Variants in TANC1 observed in about 807,000 individuals in gnomAD.
The protein encoded by TANC1 is protein TANC1.
A neutral mutation model predicts 149.7 loss-of-function variants in TANC1; 77 were observed. The observed-to-expected ratio is 0.51, with a 90% confidence interval of 0.43 to 0.62. The LOEUF is 0.62. Ranked by LOEUF, TANC1 falls within the 20% of genes least tolerant of loss-of-function variation. The probability of loss-of-function intolerance (pLI) is 0.00; values close to 1 mark genes in which losing one functional copy is unlikely to be tolerated. For missense variants in TANC1, 1,985 were observed against 2,321.8 expected, an observed-to-expected ratio of 0.85 and a Z score of 2.98; for synonymous variants, 854 against 925.0, an observed-to-expected ratio of 0.92 and a Z score of 1.39.
chr2:158,988,555 G>T (rs1169744629), intron 1 of TANC1, among the ~76,000 whole-genome samples: 1 of 152,148 alleles, frequency 6.6e-6, no homozygotes, highest in East Asian at 1.9e-4. Context: ...ACTACTTCCT[G>T]TTGCAATGAC....
At chr2:159,161,160 T>C (rs1296092297) in intron 7 of TANC1, among the ~76,000 whole-genome samples, 1 of 152,184 alleles carries the variant, frequency 6.6e-6, no homozygotes, top group African/African-American at 2.4e-5. Flanking sequence ...GTGAGCTAAG[T>C]CCTTATTTCC....
chr2:159,063,915 G>C (rs2042451838), intron 2 of TANC1, among the ~76,000 whole-genome samples: 1 of 152,174 alleles, frequency 6.6e-6, no homozygotes, highest in Admixed American at 6.5e-5. Context: ...ATCGGGAGCA[G>C]CTCATGGATG....
chr2:159,180,194 TTTG>T (rs972261985), intron 14 of TANC1, among the ~76,000 whole-genome samples: 1 of 152,160 alleles, frequency 6.6e-6, no homozygotes, highest in African/African-American at 2.4e-5. Flanking sequence ...TGGCTGAAGG[TTTG>T]TTGTTATCTT....
intron 5 of TANC1, 28 bp downstream of exon 5, chr2:159,136,326 C>A (rs1399238908): frequency 3.1e-6 from 4 of 1,281,306 alleles, no homozygotes; most frequent in Admixed American, 1.7e-5. Context: ...TTCCTTCCCC[C>A]TCTACCAAAG....
chr2:159,202,358 ATTTAG>A (rs2058308976), intron 19 of TANC1, among the ~76,000 whole-genome samples: 1 of 152,214 alleles, frequency 6.6e-6, no homozygotes, highest in South Asian at 2.1e-4. Context: ...TGGGAACAGT[ATTTAG>A]TTTAGGGTTT....
chr2:159,224,763 A>G (rs1386197471), intron 23 of TANC1: 2 of 181,754 alleles, frequency 1.1e-5, no homozygotes, highest in African/African-American at 2.3e-5. Context: ...TGGCCACCAC[A>G]GCAAGTTTCT....
chr2:159,218,265 A>G (rs2059473964), intron 20 of TANC1, among the ~76,000 whole-genome samples: 1 of 152,166 alleles, frequency 6.6e-6, no homozygotes. Flanking sequence ...TTCTAGACCA[A>G]AGTTTTGGTC....
At chr2:159,224,109 A>C in intron 22 of TANC1, 123 bp from the exon 23 acceptor site, 25 of 1,074,248 alleles carry the variant, frequency 2.3e-5, no homozygotes, top group Non-Finnish European at 3.1e-5. Context: ...TTTCTAGTCT[A>C]GGATCCTTAA....
At chr2:159,076,159 G>A (rs2043651095) in intron 3 of TANC1, among the ~76,000 whole-genome samples, 1 of 151,826 alleles carries the variant, frequency 6.6e-6, no homozygotes, top group Non-Finnish European at 1.5e-5. Context: ...GATTGTGAGG[G>A]GCTTGTTAGT....
intron 2 of TANC1, among the ~76,000 whole-genome samples, chr2:159,053,216 C>A (rs1256540205): frequency 2.0e-5 from 3 of 151,554 alleles, no homozygotes; most frequent in Non-Finnish European, 4.4e-5. Flanking sequence ...TCTGGTATTC[C>A]CCTTTTGGGG....
At chr2:159,116,180 A>C (rs1417547847) in intron 4 of TANC1, among the ~76,000 whole-genome samples, 3 of 152,156 alleles carry the variant, frequency 2.0e-5, no homozygotes, top group Admixed American at 1.3e-4. Context: ...TAATCCCAGC[A>C]CTTTGGGAGG....
Position 159,084,350 on chromosome 2 carries a change from C to T in TANC1, c.62-13287C>T, listed in dbSNP as rs76448094. 2.1e-3 allele frequency among the ~76,000 whole-genome samples: 327 copies of T among 152,200 alleles called. 2 individuals are homozygous for T. Among genetic ancestry groups the T allele is most frequent in the African/African-American group, 7.2e-3 (298 of 41,524 alleles). Reference sequence around the variant, plus strand: ...ACCTTGTTATATAGCCACATGTACACGGCAGATTTAGTCTGCTTTTTTCTA... The same window carrying T: ...ACCTTGTTATATAGCCACATGTACATGGCAGATTTAGTCTGCTTTTTTCTA... On this transcript the variant is annotated intron_variant, in intron 3 of 26. Coordinates refer to ENST00000263635, the MANE Select transcript of TANC1 (RefSeq NM_033394.3).
At chr2:159,112,504 C>A (rs1209200006) in intron 4 of TANC1, among the ~76,000 whole-genome samples, 1 of 151,810 alleles carries the variant, frequency 6.6e-6, no homozygotes, top group African/African-American at 2.4e-5. Flanking sequence ...GATCTGCACG[C>A]CTCGGCCTCA....
At chr2:159,195,762 A>T (rs2057796965) in intron 17 of TANC1, among the ~76,000 whole-genome samples, 1 of 152,164 alleles carries the variant, frequency 6.6e-6, no homozygotes, top group Non-Finnish European at 1.5e-5. Context: ...TTTACACTTT[A>T]TTCTGAGGCC....
At chr2:159,183,784 T>G (rs978813963) in intron 14 of TANC1, among the ~76,000 whole-genome samples, 2 of 152,028 alleles carry the variant, frequency 1.3e-5, no homozygotes, top group Non-Finnish European at 2.9e-5. Flanking sequence ...AAGGAGAAAT[T>G]GGGAATGTAA....
At chr2:159,034,463 G>A (rs924672485) in intron 2 of TANC1, among the ~76,000 whole-genome samples, 1 of 152,158 alleles carries the variant, frequency 6.6e-6, no homozygotes, top group Admixed American at 6.5e-5. Flanking sequence ...TTTGAAAAGC[G>A]CCAGTGGGCC....
intron 3 of TANC1, among the ~76,000 whole-genome samples, chr2:159,097,394 A>T (rs370561348): frequency 1.3e-5 from 2 of 152,084 alleles, no homozygotes; most frequent in African/African-American, 2.4e-5. Context: ...TTTGTTAGGG[A>T]TTGAAACCAG....
intron 5 of TANC1, among the ~76,000 whole-genome samples, chr2:159,137,738 C>T (rs1325560734): frequency 1.3e-5 from 2 of 152,192 alleles, no homozygotes; most frequent in African/African-American, 4.8e-5. Flanking sequence ...CTGCCTGGCT[C>T]AGATTAAGCC....
At chr2:159,121,232 G>A (rs1035366312) in intron 4 of TANC1, among the ~76,000 whole-genome samples, 1 of 152,192 alleles carries the variant, frequency 6.6e-6, no homozygotes, top group Non-Finnish European at 1.5e-5. Context: ...CCTGATGCTG[G>A]CTCACCTCTC....
Sources: gnomAD v4.1 joint callset for allele counts (sites outside exome capture counted in the v4.1 genomes callset) on GRCh38, gnomAD v4.1.1 for gene constraint, MANE v1.5 for transcripts, NCBI Gene and HGNC (gene_info 2026-07-23, HGNC 2026-07-21) for gene names.